The following SLC12A7 variants were observed in gnomAD, a reference collection of about 807,000 sequenced individuals.
SLC12A7 encodes K-Cl cotransporter 4.
SLC12A7 carries 100 observed loss-of-function variants against 120.6 expected under a neutral mutation model. That is an observed-to-expected ratio of 0.83 (90% confidence interval 0.71 to 0.98). The LOEUF is 0.98. Ranked by LOEUF, SLC12A7 falls within the 50% of genes least tolerant of loss-of-function variation. The pLI is 0.00. For synonymous variants in SLC12A7, 760 were observed against 678.0 expected, an observed-to-expected ratio of 1.12 and a Z score of -1.88; for missense variants, 1,373 against 1,548.1, an observed-to-expected ratio of 0.89 and a Z score of 1.90.
At chr5:1,083,984 T>C in intron 7 of SLC12A7, 28 bp from the exon 8 acceptor site, 1 of 1,590,374 alleles carries the variant, frequency 6.3e-7, no homozygotes, top group Non-Finnish European at 8.5e-7. Flanking sequence ...GCACGGCACG[T>C]GTGCTGCCAC....
At chr5:1,116,740 C>T (rs1485609863), upstream of SLC12A7, among the ~76,000 whole-genome samples, 1 of 152,188 alleles carries the variant, frequency 6.6e-6, no homozygotes, top group Non-Finnish European at 1.5e-5. Context: ...GAGTTGCAGA[C>T]ACAGGGAAGG....
At chr5:1,127,041 A>G in the SLC12A7 span, among the ~76,000 whole-genome samples, 1 of 151,896 alleles carries the variant, frequency 6.6e-6, no homozygotes, top group Non-Finnish European at 1.5e-5. Context: ...TTTTAGACGA[A>G]GTCTTGCTTT....
chr5:1,106,614 C>G (rs181094490), intron 1 of SLC12A7, among the ~76,000 whole-genome samples: 1 of 152,352 alleles, frequency 6.6e-6, no homozygotes, highest in Non-Finnish European at 1.5e-5. Flanking sequence ...CTGACCTCCA[C>G]TCCCAGTGCT....
At chr5:1,115,845 GA>G (rs1330019866), upstream of SLC12A7, among the ~76,000 whole-genome samples, 2 of 138,310 alleles carry the variant, frequency 1.4e-5, no homozygotes, top group African/African-American at 6.6e-5. Context: ...AGAATCGGGG[GA>G]AGGGGGAGGG....
chr5:1,073,655 A>T lies in SLC12A7; in HGVS notation c.2219T>A (p.Met740Lys). The change falls in exon 17 of 24, where the codon ATG becomes AAG. Residue 740 changes from methionine (M) to lysine (K), a missense_variant. Coordinates refer to ENST00000264930, the MANE Select transcript of SLC12A7 (RefSeq NM_006598.3). ...VLEGTYLDKH[M>K]EAQRAEENIR... Reference sequence around the variant, plus strand: ...CACCTCCTCGGCCCGCTGAGCCTCCATGTGCTTGTCCAGGTACGTCCCCTC... The same window carrying T: ...CACCTCCTCGGCCCGCTGAGCCTCCTTGTGCTTGTCCAGGTACGTCCCCTC... 6.2e-7 allele frequency: 1 copy of T among 1,604,314 alleles called. No homozygotes were observed. The highest frequency in any genetic ancestry group is 1.1e-5 in the South Asian group (1 of 90,532).
intron 1 of SLC12A7, among the ~76,000 whole-genome samples, chr5:1,098,142 C>A (rs1413027233): frequency 6.6e-5 from 6 of 91,532 alleles, no homozygotes; most frequent in African/African-American, 3.2e-4. Flanking sequence ...GCCCAGCCCC[C>A]ACAACCCTCT....
chr5:1,096,803 GGGAAGGAAGGAGGGAA>G (rs1741257161), intron 1 of SLC12A7, among the ~76,000 whole-genome samples: 1 of 47,684 alleles, frequency 2.1e-5, no homozygotes, highest in Non-Finnish European at 4.7e-5. Flanking sequence ...GAAGGAGGGA[GGGAAGGAAGGAGGGAA>G]GGGAGGGAAG....
At position 1,067,936 on chromosome 5, in the gene SLC12A7, C is replaced by T. The variant is rs530798264; in HGVS notation, c.2242-2458G>A. On this transcript the variant is annotated intron_variant, in intron 17 of 23. Transcript: ENST00000264930. ...ATCACAAGTCCCCGCACCTGCCCGG[C>T]GCAGCAGTCGCAGAGGCCTCCGTGC... Among the ~76,000 whole-genome samples the T allele has an allele frequency of 9.2e-5, 13 of 141,842 alleles. No homozygotes were observed. The East Asian group carries it at 1.7e-3, about 19-fold the overall frequency. The allele number at this position is 141,842 out of a possible 152,430, so 93.1% of individuals were successfully genotyped here.
At position 1,054,146 on chromosome 5, in the gene SLC12A7, ACGGCCCACCCTG is replaced by A. The variant is rs1262598185; in HGVS notation, c.3027-676_3027-665del. Among the ~76,000 whole-genome samples the A allele has an allele frequency of 9.2e-5, 14 of 152,306 alleles. No individual in the cohort carries two copies. In the East Asian group the frequency reaches 2.7e-3, roughly 29 times the overall value. ...AGTGGCCACTACTGGGTCCCCTCCTACGGCCCACCCTGCCCCTGTCTGGCCAAGGGCTAAAGG... is the reference window on the plus strand; with the variant it reads ...AGTGGCCACTACTGGGTCCCCTCCTACCCCTGTCTGGCCAAGGGCTAAAGG... On this transcript the variant is annotated intron_variant, in intron 22 of 23. Coordinates refer to ENST00000264930, the MANE Select transcript of SLC12A7 (RefSeq NM_006598.3).
chr5:1,150,453 C>T, the SLC12A7 span, among the ~76,000 whole-genome samples: 2 of 152,322 alleles, frequency 1.3e-5, no homozygotes, highest in African/African-American at 4.8e-5. Flanking sequence ...GTGAGGACCC[C>T]AACTCATGCC....
At chr5:1,055,308 C>A (rs577444506) in intron 22 of SLC12A7, among the ~76,000 whole-genome samples, 1 of 152,370 alleles carries the variant, frequency 6.6e-6, no homozygotes, top group East Asian at 1.9e-4. Context: ...GACATGCACA[C>A]TAACGTACGT....
chr5:1,085,693 TCAGCGCACAGGCGAGGGAC>T (rs1739784607), intron 6 of SLC12A7, among the ~76,000 whole-genome samples: 1 of 143,742 alleles, frequency 7.0e-6, no homozygotes, highest in Non-Finnish European at 1.5e-5. Flanking sequence ...CCCGCGGGGG[TCAGCGCACAGGCGAGGGAC>T]GGAGCCCGCG....
At chr5:1,122,477 A>G in the SLC12A7 span, among the ~76,000 whole-genome samples, 2 of 152,270 alleles carry the variant, frequency 1.3e-5, no homozygotes, top group Non-Finnish European at 2.9e-5. Context: ...AATCCATTTT[A>G]TTTAATTGTA....
At chr5:1,055,720 G>A (rs927409296) in intron 22 of SLC12A7, among the ~76,000 whole-genome samples, 3 of 152,246 alleles carry the variant, frequency 2.0e-5, no homozygotes, top group African/African-American at 4.8e-5. Context: ...GTGTGTGCCT[G>A]TGCATGTGTG....
At chr5:1,154,642 G>C in the SLC12A7 span, among the ~76,000 whole-genome samples, 1 of 152,140 alleles carries the variant, frequency 6.6e-6, no homozygotes, top group Admixed American at 6.5e-5. Flanking sequence ...CGCTCCTCTG[G>C]GCCATCGCGT....
intron 21 of SLC12A7, among the ~76,000 whole-genome samples, chr5:1,058,785 AGGGCTGCCC>A (rs1432213678): frequency 6.6e-6 from 1 of 152,164 alleles, no homozygotes; most frequent in Non-Finnish European, 1.5e-5. Context: ...CCAGAGCCCA[AGGGCTGCCC>A]GCTCTCGGCA....
At chr5:1,131,156 C>T in the SLC12A7 span, among the ~76,000 whole-genome samples, 15 of 152,308 alleles carry the variant, frequency 9.8e-5, no homozygotes, top group East Asian at 9.6e-4. Context: ...CTCACAGGGA[C>T]GTCCCGGATC....
At chr5:1,107,402 C>G (rs545468027) in intron 1 of SLC12A7, among the ~76,000 whole-genome samples, 1 of 152,212 alleles carries the variant, frequency 6.6e-6, no homozygotes, top group Non-Finnish European at 1.5e-5. Context: ...GGACGTGGCC[C>G]CACGTCCAAA....
intron 1 of SLC12A7, among the ~76,000 whole-genome samples, chr5:1,099,717 C>T (rs137884095): frequency 2.6e-4 from 40 of 152,344 alleles, no homozygotes; most frequent in Middle Eastern, 6.8e-3. Flanking sequence ...ACATCACAGC[C>T]GTGGCCTGCC....
Sources: allele counts gnomAD v4.1 joint callset (sites outside exome capture counted in the v4.1 genomes callset), GRCh38; gene constraint gnomAD v4.1.1; transcripts MANE v1.5; gene names NCBI Gene and HGNC (gene_info 2026-07-23, HGNC 2026-07-21).